The following NKAIN3 variants were observed in gnomAD, a reference collection of about 807,000 sequenced individuals.
NKAIN3 encodes the protein sodium/potassium transporting ATPase interacting 3.
Under a neutral mutation model 30.2 loss-of-function variants are expected in NKAIN3, and 25 were observed. The ratio of observed to expected loss-of-function variants is 0.83; its 90% CI spans 0.60 to 1.16. The LOEUF (loss-of-function observed/expected upper bound fraction) is 1.16, where lower values mean the gene tolerates loss of function less well. Ranked by LOEUF, NKAIN3 falls within the 50% of genes most tolerant of loss-of-function variation. The probability of loss-of-function intolerance (pLI) is 0.00; values close to 1 mark genes in which losing one functional copy is unlikely to be tolerated. For missense variants in NKAIN3, 225 were observed against 254.1 expected (o/e 0.89, Z 0.78); for synonymous variants, 91 against 89.6 (o/e 1.02, Z -0.09).
chr8:62,323,206 T>G (rs938485238), intron 1 of NKAIN3, among the ~76,000 whole-genome samples: 1 of 152,196 alleles, frequency 6.6e-6, no homozygotes, highest in Admixed American at 6.5e-5. Flanking sequence ...TGAAAACTTA[T>G]AGTCACACAA....
chr8:62,687,393 G>A (rs1813831761), intron 3 of NKAIN3, among the ~76,000 whole-genome samples: 1 of 152,202 alleles, frequency 6.6e-6, no homozygotes, highest in Admixed American at 6.5e-5. Context: ...TTGTGTCCAA[G>A]TTTGGGAGTG....
chr8:62,316,064 T>C (rs1046850590), intron 1 of NKAIN3, among the ~76,000 whole-genome samples: 3 of 152,102 alleles, frequency 2.0e-5, no homozygotes, highest in Admixed American at 6.6e-5. Context: ...TTTCCCCCTT[T>C]TTCTGCACTT....
intron 4 of NKAIN3, among the ~76,000 whole-genome samples, chr8:62,903,508 C>T (rs760694519): frequency 1.9e-4 from 29 of 151,976 alleles, no homozygotes; most frequent in South Asian, 6.2e-4. Flanking sequence ...ACAGATAGGC[C>T]TGGGTGACAG....
chr8:62,881,503 C>G (rs574809558), intron 4 of NKAIN3, among the ~76,000 whole-genome samples: 26 of 152,290 alleles, frequency 1.7e-4, no homozygotes, highest in Middle Eastern at 3.4e-3. Flanking sequence ...GTGTGTGGTA[C>G]TAGCAAAAGA....
intron 3 of NKAIN3, among the ~76,000 whole-genome samples, chr8:62,673,932 A>G (rs1438457032): frequency 6.6e-6 from 1 of 152,228 alleles, no homozygotes; most frequent in African/African-American, 2.4e-5. Context: ...TAAAACCTAG[A>G]AATCACCTGT....
intron 4 of NKAIN3, chr8:62,863,275 G>T: frequency 1.9e-6 from 3 of 1,552,404 alleles, no homozygotes; most frequent in African/African-American, 1.4e-5. Context: ...TTTTCCTATA[G>T]GTTTCTGCTG....
chr8:62,591,378 C>T (rs1267354180), intron 3 of NKAIN3, among the ~76,000 whole-genome samples: 1 of 151,764 alleles, frequency 6.6e-6, no homozygotes, highest in African/African-American at 2.4e-5. Flanking sequence ...ATAATAAGAC[C>T]AGATTTTCCA....
At chr8:62,926,721 ACT>A (rs1335718458) in intron 5 of NKAIN3, among the ~76,000 whole-genome samples, 1 of 151,724 alleles carries the variant, frequency 6.6e-6, no homozygotes, top group Non-Finnish European at 1.5e-5. Context: ...CATCACTGAG[ACT>A]CTGTCACACA....
At chr8:62,788,810 GT>G (rs1452953706) in intron 4 of NKAIN3, among the ~76,000 whole-genome samples, 3 of 152,006 alleles carry the variant, frequency 2.0e-5, no homozygotes, top group Non-Finnish European at 2.9e-5. Flanking sequence ...CCCATTGCTT[GT>G]TTTTGTCAGG....
intron 1 of NKAIN3, among the ~76,000 whole-genome samples, chr8:62,488,827 G>C (rs538789974): frequency 1.0e-3 from 153 of 152,276 alleles, no homozygotes; most frequent in African/African-American, 3.5e-3. Context: ...GTATTAATCA[G>C]AGGGGTAGTT....
intron 4 of NKAIN3, among the ~76,000 whole-genome samples, chr8:62,869,900 G>A (rs983500053): frequency 1.3e-5 from 2 of 152,046 alleles, no homozygotes; most frequent in Non-Finnish European, 2.9e-5. Flanking sequence ...CCCCGAAGTG[G>A]CTGGGACTAC....
chr8:62,371,047 C>T (rs930618915), intron 1 of NKAIN3, among the ~76,000 whole-genome samples: 1 of 151,756 alleles, frequency 6.6e-6, no homozygotes, highest in Non-Finnish European at 1.5e-5. Context: ...ACTTAACTTA[C>T]CCTTCTGTTG....
At chr8:62,793,929 C>T (rs1003813888) in intron 4 of NKAIN3, among the ~76,000 whole-genome samples, 11 of 152,138 alleles carry the variant, frequency 7.2e-5, no homozygotes, top group African/African-American at 2.4e-4. Flanking sequence ...AAAGTCACAA[C>T]AGAAAGATGC....
chr8:62,327,313 A>C (rs1815176221), intron 1 of NKAIN3, among the ~76,000 whole-genome samples: 1 of 152,088 alleles, frequency 6.6e-6, no homozygotes, highest in East Asian at 1.9e-4. Context: ...AAAAGCTTTA[A>C]GTTTCCATGA....
At chr8:62,285,756 C>T (rs146648335) in intron 1 of NKAIN3, among the ~76,000 whole-genome samples, 215 of 152,134 alleles carry the variant, frequency 1.4e-3, no homozygotes, top group African/African-American at 4.9e-3. Flanking sequence ...TTAGGGTGAC[C>T]CAGTCATACA....
intron 4 of NKAIN3, among the ~76,000 whole-genome samples, chr8:62,878,382 A>G (rs1227221240): frequency 4.6e-5 from 7 of 152,140 alleles, no homozygotes; most frequent in Non-Finnish European, 1.0e-4. Context: ...TATGACAGAC[A>G]GAAGAGTCTT....
intron 1 of NKAIN3, among the ~76,000 whole-genome samples, chr8:62,557,773 T>C (rs1203317876): frequency 6.6e-6 from 1 of 151,932 alleles, no homozygotes; most frequent in African/African-American, 2.4e-5. Context: ...TGTCTTGCTA[T>C]TTTGTTTGAG....
intron 1 of NKAIN3, among the ~76,000 whole-genome samples, chr8:62,469,846 T>C (rs1390657738): frequency 2.0e-5 from 3 of 152,138 alleles, no homozygotes; most frequent in African/African-American, 7.2e-5. Flanking sequence ...GGTCAGGGAA[T>C]TGCTGCATCT....
chr8:62,344,829 T>C (rs1447307668), intron 1 of NKAIN3: 1 of 430,638 alleles, frequency 2.3e-6, no homozygotes, highest in East Asian at 7.2e-5. Flanking sequence ...TTTTTTTCTT[T>C]CTGTGTCTGT....
Sources: allele counts gnomAD v4.1 joint callset (sites outside exome capture counted in the v4.1 genomes callset), GRCh38; gene constraint gnomAD v4.1.1; transcripts MANE v1.5; gene names NCBI Gene and HGNC (gene_info 2026-07-23, HGNC 2026-07-21).